ZPBP: variants seen among roughly 807,000 people sequenced by gnomAD.
ZPBP encodes the protein zona pellucida-binding protein 1.
ZPBP carries 26 observed loss-of-function variants against 44.8 expected under a neutral mutation model. That is an observed-to-expected ratio of 0.58 (90% CI 0.43 to 0.81). ZPBP has a LOEUF of 0.81. ZPBP is among the 30% of genes least tolerant of loss of function. The pLI is 0.00. For synonymous variants in ZPBP, 174 were observed against 153.2 expected, an observed-to-expected ratio of 1.14 and a Z score of -1.00; for missense variants, 409 against 434.0, an observed-to-expected ratio of 0.94 and a Z score of 0.51.
At chr7:50,005,226 AAAC>A (rs1334536802) in intron 6 of ZPBP, among the ~76,000 whole-genome samples, 2 of 152,056 alleles carry the variant, frequency 1.3e-5, no homozygotes, top group Non-Finnish European at 2.9e-5. Context: ...ATTTTCAGAT[AAAC>A]AACAACTGAG....
intron 6 of ZPBP, among the ~76,000 whole-genome samples, chr7:49,989,215 T>C (rs1202294751): frequency 6.6e-6 from 1 of 152,126 alleles, no homozygotes; most frequent in Non-Finnish European, 1.5e-5. Flanking sequence ...CAGATAAAGG[T>C]CCCATGGGAG....
intron 1 of ZPBP, among the ~76,000 whole-genome samples, chr7:49,901,551 T>C (rs1250678069): frequency 6.6e-6 from 1 of 151,440 alleles, no homozygotes; most frequent in Non-Finnish European, 1.5e-5. Flanking sequence ...ATAGAAAAAA[T>C]CATAGAATAT....
intron 7 of ZPBP, among the ~76,000 whole-genome samples, chr7:49,978,644 C>T (rs1159293229): frequency 6.6e-6 from 1 of 151,362 alleles, no homozygotes; most frequent in Non-Finnish European, 1.5e-5. Flanking sequence ...TCATGAGATA[C>T]CTCATATATT....
intron 5 of ZPBP, among the ~76,000 whole-genome samples, chr7:50,019,770 T>C (rs776421377): frequency 1.3e-5 from 2 of 152,096 alleles, no homozygotes; most frequent in South Asian, 2.1e-4. Context: ...TACAATATTA[T>C]AGACAAGACA....
chr7:49,856,343 C>G (rs1347508166), intron 2 of ZPBP, among the ~76,000 whole-genome samples: 2 of 152,138 alleles, frequency 1.3e-5, no homozygotes, highest in African/African-American at 4.8e-5. Flanking sequence ...CCTCCCTTTT[C>G]TCTCTTGCTC....
intron 5 of ZPBP, 78 bp downstream of exon 5, chr7:50,031,014 C>T (rs1446822520): frequency 3.3e-6 from 4 of 1,213,200 alleles, no homozygotes; most frequent in African/African-American, 3.0e-5. Flanking sequence ...CATAAAAATG[C>T]TGTGAGTAAT....
intron 5 of ZPBP, among the ~76,000 whole-genome samples, chr7:50,026,391 C>T (rs1799329505): frequency 6.6e-6 from 1 of 151,714 alleles, no homozygotes. Flanking sequence ...GGCAGAAGAT[C>T]AATAAGCAGA....
At chr7:50,001,226 T>A (rs543907278) in intron 6 of ZPBP, among the ~76,000 whole-genome samples, 1 of 152,148 alleles carries the variant, frequency 6.6e-6, no homozygotes, top group African/African-American at 2.4e-5. Context: ...ATGAAGAACA[T>A]GAAACTTCTG....
At chr7:49,860,129 A>G (rs1790592017) in intron 2 of ZPBP, among the ~76,000 whole-genome samples, 1 of 152,104 alleles carries the variant, frequency 6.6e-6, no homozygotes, top group African/African-American at 2.4e-5. Context: ...TTGCCATTTT[A>G]ATCTTTTTAA....
At chr7:49,966,972 G>T (rs1445061859) in intron 7 of ZPBP, among the ~76,000 whole-genome samples, 1 of 152,038 alleles carries the variant, frequency 6.6e-6, no homozygotes, top group African/African-American at 2.4e-5. Flanking sequence ...AATGAAAGAG[G>T]ACTGATAGAT....
intron 6 of ZPBP, among the ~76,000 whole-genome samples, chr7:50,002,013 T>C (rs1798121729): frequency 6.6e-6 from 1 of 152,216 alleles, no homozygotes; most frequent in Middle Eastern, 3.4e-3. Flanking sequence ...GCACACACAC[T>C]ACCACACCTG....
At chr7:49,938,766 C>G (rs1473426047) in intron 7 of ZPBP, among the ~76,000 whole-genome samples, 1 of 152,072 alleles carries the variant, frequency 6.6e-6, no homozygotes, top group Non-Finnish European at 1.5e-5. Context: ...ATGTTAATAG[C>G]ACATCTATGG....
intron 2 of ZPBP, among the ~76,000 whole-genome samples, chr7:49,874,359 A>G (rs2128724414): frequency 6.6e-6 from 1 of 152,352 alleles, no homozygotes; most frequent in East Asian, 1.9e-4. Context: ...TACAGTATTC[A>G]GTACAGGAAC....
At chr7:50,060,504 T>TA (rs1000453492) in intron 3 of ZPBP, among the ~76,000 whole-genome samples, 11 of 152,034 alleles carry the variant, frequency 7.2e-5, no homozygotes, top group African/African-American at 2.4e-4. Flanking sequence ...TAGAGACATA[T>TA]AAAAAACCAT....
At chr7:49,958,987 C>A (rs1036396941) in intron 7 of ZPBP, among the ~76,000 whole-genome samples, 1 of 152,040 alleles carries the variant, frequency 6.6e-6, no homozygotes, top group East Asian at 1.9e-4. Flanking sequence ...AGGACCATGA[C>A]CACATAGGTT....
chr7:50,019,053 G>A (rs7812070), intron 5 of ZPBP, among the ~76,000 whole-genome samples: 2,097 of 152,066 alleles, frequency 0.014, 55 homozygotes, highest in African/African-American at 0.048. Context: ...TTCTATAGGA[G>A]GTCTACTAAT....
intron 1 of ZPBP, 51 bp downstream of exon 1, chr7:50,093,017 G>C: frequency 1.3e-6 from 2 of 1,571,944 alleles, no homozygotes; most frequent in South Asian, 1.2e-5. Flanking sequence ...CGAAGAGTGG[G>C]GGAAGCTGCG....
chr7:49,890,454 A>G (rs1477905436), intron 2 of ZPBP, among the ~76,000 whole-genome samples: 1 of 152,218 alleles, frequency 6.6e-6, no homozygotes, highest in African/African-American at 2.4e-5. Flanking sequence ...GACTTTTTAC[A>G]GACCAATAAA....
intron 5 of ZPBP, among the ~76,000 whole-genome samples, chr7:50,027,768 CAA>C (rs2128810038): frequency 6.6e-6 from 1 of 151,862 alleles, no homozygotes; most frequent in African/African-American, 2.4e-5. Flanking sequence ...AAAAGGATAA[CAA>C]GAGAACAATA....
Sources: allele counts gnomAD v4.1 joint callset (sites outside exome capture counted in the v4.1 genomes callset), GRCh38; gene constraint gnomAD v4.1.1; transcripts MANE v1.5; gene names NCBI Gene and HGNC (gene_info 2026-07-23, HGNC 2026-07-21).